The following SPAG16 variants were observed in gnomAD, a reference collection of about 807,000 sequenced individuals.
SPAG16 encodes sperm associated antigen 16.
SPAG16 carries 86 observed loss-of-function variants against 80.4 expected under a neutral mutation model. That is an observed-to-expected ratio of 1.07 (90% CI 0.90 to 1.28). The LOEUF is 1.28. Among genes scored for constraint, SPAG16 ranks in the 50% most tolerant of loss-of-function variants. SPAG16 has a pLI of 0.00. For synonymous variants in SPAG16, 294 were observed against 265.9 expected (o/e 1.11, Z -1.03); for missense variants, 870 against 765.3 (o/e 1.14, Z -1.61).
intron 9 of SPAG16, among the ~76,000 whole-genome samples, chr2:213,482,798 G>A (rs2073814830): frequency 6.6e-6 from 1 of 152,048 alleles, no homozygotes; most frequent in African/African-American, 2.4e-5. Context: ...AGGTGGCAAA[G>A]CCCATTTATG....
At chr2:213,667,200 C>A (rs1241362781) in intron 10 of SPAG16, among the ~76,000 whole-genome samples, 2 of 152,058 alleles carry the variant, frequency 1.3e-5, no homozygotes, top group Non-Finnish European at 2.9e-5. Context: ...CGGACTGGAA[C>A]CATGAGAACA....
intron 12 of SPAG16, among the ~76,000 whole-genome samples, chr2:214,004,597 G>A (rs1349574936): frequency 1.3e-5 from 2 of 151,924 alleles, no homozygotes; most frequent in African/African-American, 2.4e-5. Flanking sequence ...TAGAGTAGTC[G>A]ATTCTTTTGG....
At chr2:213,752,770 G>A (rs993551712) in intron 10 of SPAG16, among the ~76,000 whole-genome samples, 3 of 152,104 alleles carry the variant, frequency 2.0e-5, no homozygotes, top group South Asian at 2.1e-4. Context: ...ATGCTTTTCC[G>A]GTGTGGTGGG....
At chr2:213,845,199 C>CT (rs10547272) in intron 10 of SPAG16, among the ~76,000 whole-genome samples, 44 of 130,466 alleles carry the variant, frequency 3.4e-4, no homozygotes, top group African/African-American at 1.1e-3. Context: ...ATCTAGTGTT[C>CT]TTTTTTTTTT....
intron 10 of SPAG16, among the ~76,000 whole-genome samples, chr2:213,567,496 T>C (rs1481462924): frequency 1.8e-4 from 21 of 119,468 alleles, no homozygotes; most frequent in African/African-American, 7.6e-4. Flanking sequence ...GGTTTTTTGT[T>C]CTTGCGATAG....
At chr2:213,444,992 G>A (rs2071207869) in intron 9 of SPAG16, among the ~76,000 whole-genome samples, 1 of 152,144 alleles carries the variant, frequency 6.6e-6, no homozygotes, top group African/African-American at 2.4e-5. Flanking sequence ...ATATATTGGA[G>A]AAGGGAAATC....
rs1052400869 is a variant in SPAG16, at chr2:214,166,613, C to T, written c.1720+17347C>T. On this transcript the variant is annotated intron_variant, in intron 15 of 15. Coordinates refer to ENST00000331683, the MANE Select transcript of SPAG16 (RefSeq NM_024532.5). ...CCTTAATTTATTCCTCTATCTTTAC[C>T]CCTTGGTAAATATTTAGTCCCTTCA... is the stretch of plus-strand genomic sequence containing the variant. Among the ~76,000 whole-genome samples, 6 of 152,064 alleles carry T rather than the reference C, an allele frequency of 3.9e-5. No homozygotes were observed. In the South Asian group the frequency reaches 1.0e-3, roughly 26 times the overall value.
intron 9 of SPAG16, among the ~76,000 whole-genome samples, chr2:213,484,657 A>C (rs1213853381): frequency 2.0e-5 from 3 of 152,146 alleles, no homozygotes; most frequent in African/African-American, 7.2e-5. Context: ...ATATCTTTTA[A>C]CTTTTTATTT....
intron 10 of SPAG16, among the ~76,000 whole-genome samples, chr2:213,573,223 G>T (rs1330844786): frequency 2.0e-5 from 3 of 151,972 alleles, no homozygotes; most frequent in South Asian, 2.1e-4. Flanking sequence ...GGGAGCTGTA[G>T]ACCGGAGCTG....
At chr2:213,955,355 A>G (rs765877702) in intron 12 of SPAG16, among the ~76,000 whole-genome samples, 8 of 152,120 alleles carry the variant, frequency 5.3e-5, no homozygotes, top group East Asian at 1.9e-4. Flanking sequence ...ATTTTGGTCT[A>G]TGTTATAAAG....
At chr2:213,285,490 A>T (rs2062021557) in intron 1 of SPAG16, among the ~76,000 whole-genome samples, 1 of 152,228 alleles carries the variant, frequency 6.6e-6, no homozygotes, top group Non-Finnish European at 1.5e-5. Flanking sequence ...GTTCTTAAAG[A>T]TACCAAGGAA....
intron 9 of SPAG16, among the ~76,000 whole-genome samples, chr2:213,419,342 A>G (rs1000667856): frequency 6.6e-6 from 1 of 152,082 alleles, no homozygotes; most frequent in Non-Finnish European, 1.5e-5. Flanking sequence ...TTTTCTTTAC[A>G]TTAAATATTT....
At chr2:213,445,388 G>A (rs142625311) in intron 9 of SPAG16, among the ~76,000 whole-genome samples, 51 of 152,304 alleles carry the variant, frequency 3.3e-4, no homozygotes, top group African/African-American at 5.1e-4. Context: ...ATAGCTGGGC[G>A]TGGCGGCTCA....
At chr2:213,838,205 T>C (rs1325128250) in intron 10 of SPAG16, among the ~76,000 whole-genome samples, 1 of 152,062 alleles carries the variant, frequency 6.6e-6, no homozygotes, top group Non-Finnish European at 1.5e-5. Flanking sequence ...AGAGCCTCAG[T>C]CTGTTGCCCA....
intron 9 of SPAG16, among the ~76,000 whole-genome samples, chr2:213,415,840 C>A (rs2069223806): frequency 6.6e-6 from 1 of 152,120 alleles, no homozygotes; most frequent in Admixed American, 6.5e-5. Context: ...AATGAAAAGC[C>A]CCAGGTTGCT....
At chr2:214,106,828 T>A (rs1387369275) in intron 13 of SPAG16, among the ~76,000 whole-genome samples, 2 of 152,164 alleles carry the variant, frequency 1.3e-5, no homozygotes, top group Non-Finnish European at 2.9e-5. Flanking sequence ...CTGGCTTCCT[T>A]GTTGTTCCAG....
chr2:213,808,991 G>C (rs2071951344), intron 10 of SPAG16, among the ~76,000 whole-genome samples: 1 of 152,118 alleles, frequency 6.6e-6, no homozygotes, highest in African/African-American at 2.4e-5. Context: ...GCATGACTGG[G>C]ATCAGCAAGA....
intron 15 of SPAG16, among the ~76,000 whole-genome samples, chr2:214,376,760 T>C (rs1437141600): frequency 6.6e-6 from 1 of 152,180 alleles, no homozygotes; most frequent in Non-Finnish European, 1.5e-5. Flanking sequence ...GTTTCATTCA[T>C]CTTTGTAACT....
At chr2:213,731,413 G>C (rs2067034010) in intron 10 of SPAG16, among the ~76,000 whole-genome samples, 1 of 151,236 alleles carries the variant, frequency 6.6e-6, no homozygotes, top group African/African-American at 2.4e-5. Flanking sequence ...ATCCACCTCG[G>C]CCTCCCAAAT....
Sources: gnomAD v4.1 joint callset for allele counts (sites outside exome capture counted in the v4.1 genomes callset) on GRCh38, gnomAD v4.1.1 for gene constraint, MANE v1.5 for transcripts, NCBI Gene and HGNC (gene_info 2026-07-23, HGNC 2026-07-21) for gene names.